GRM3: variants seen among roughly 807,000 people sequenced by gnomAD.
GRM3 encodes glutamate metabotropic receptor 3, also known as metabotropic glutamate receptor 3.
GRM3 carries 26 observed loss-of-function variants against 70.5 expected under a neutral mutation model. The observed-to-expected ratio is 0.37, with a 90% CI of 0.27 to 0.51. The LOEUF (loss-of-function observed/expected upper bound fraction) is 0.51. GRM3 is among the 20% of genes least tolerant of loss of function. The probability of loss-of-function intolerance (pLI) is 0.93; values close to 1 mark genes in which losing one functional copy is unlikely to be tolerated. For missense variants in GRM3, 859 were observed against 1,123.8 expected (o/e 0.76, Z 3.37); for synonymous variants, 443 against 434.9 (o/e 1.02, Z -0.23).
chr7:86,729,390 A>G (rs1795668945), intron 1 of GRM3, among the ~76,000 whole-genome samples: 1 of 152,170 alleles, frequency 6.6e-6, no homozygotes, highest in Non-Finnish European at 1.5e-5. Flanking sequence ...TAAAGAGAGT[A>G]TTATTGTGTT....
Position 86,786,097 on chromosome 7 carries a change from C to G in GRM3, c.469-164C>G. On this transcript the variant is annotated intron_variant, in intron 2 of 5. Transcript: ENST00000361669. This position sits in a 1 kb window ranked among gnomAD's most constrained non-coding sequence, Gnocchi z 6.0. ...TTCCTAGTGTCCAAAATACAGTATC[C>G]AAGGAAGCATCTGGTATTCATCTCA... 1 of 677,718 alleles carries G rather than the reference C, an allele frequency of 1.5e-6. No homozygotes were observed. The highest frequency in any genetic ancestry group is 1.8e-5 in the African/African-American group (1 of 56,000). The allele number at this position is 677,718 out of a possible 1,614,324, so 42.0% of individuals were successfully genotyped here.
intron 1 of GRM3, among the ~76,000 whole-genome samples, chr7:86,675,472 C>G (rs193123332): frequency 1.8e-4 from 28 of 152,124 alleles, no homozygotes; most frequent in African/African-American, 6.3e-4. Context: ...AATCCAAGTA[C>G]AGTGAGAGCC....
intron 3 of GRM3, among the ~76,000 whole-genome samples, chr7:86,787,576 G>T (rs1195248386): frequency 6.6e-6 from 1 of 152,124 alleles, no homozygotes; most frequent in Non-Finnish European, 1.5e-5. Context: ...GAGAGAGAGA[G>T]AAGTCACTGT....
chr7:86,743,786 G>A (rs189298084), intron 1 of GRM3, among the ~76,000 whole-genome samples: 1 of 152,146 alleles, frequency 6.6e-6, no homozygotes, highest in Admixed American at 6.5e-5. Context: ...GGCTAGAAAA[G>A]AGTGTTCAGC....
At position 86,786,079 on chromosome 7, in the gene GRM3, T is replaced by A; in HGVS notation, c.469-182T>A. On this transcript the variant is annotated intron_variant, in intron 2 of 5. Coordinates refer to ENST00000361669, the MANE Select transcript of GRM3 (RefSeq NM_000840.3). The surrounding 1 kb of genome is among the most constrained non-coding windows in gnomAD (Gnocchi z 6.0). Reference sequence around the variant, plus strand: ...TACCTGTGTGAGACCTGCTTCCTAGTGTCCAAAATACAGTATCCAAGGAAG... The same window carrying A: ...TACCTGTGTGAGACCTGCTTCCTAGAGTCCAAAATACAGTATCCAAGGAAG... 1 of 645,366 alleles carries A rather than the reference T, an allele frequency of 1.5e-6. No homozygotes were observed. The highest frequency in any genetic ancestry group is 2.8e-6 in the Non-Finnish European group (1 of 361,074). The allele number at this position is 645,366 out of a possible 1,614,324, so 40.0% of individuals were successfully genotyped here.
chr7:86,794,999 T>C (rs1185873951), intron 3 of GRM3, among the ~76,000 whole-genome samples: 1 of 152,020 alleles, frequency 6.6e-6, no homozygotes, highest in Non-Finnish European at 1.5e-5. Context: ...CTGGACCAAG[T>C]ATGATTAGAT....
intron 3 of GRM3, among the ~76,000 whole-genome samples, chr7:86,830,200 A>G (rs1238680171): frequency 6.6e-6 from 1 of 152,166 alleles, no homozygotes; most frequent in Non-Finnish European, 1.5e-5. Flanking sequence ...TTACCACTCT[A>G]CCATAAACCA....
intron 1 of GRM3, among the ~76,000 whole-genome samples, chr7:86,661,207 A>G (rs1408819854): frequency 1.3e-5 from 2 of 152,022 alleles, no homozygotes; most frequent in African/African-American, 4.8e-5. Context: ...TTCTCTTAGT[A>G]ACTAGATTTG....
intron 1 of GRM3, among the ~76,000 whole-genome samples, chr7:86,733,918 A>T (rs1404700292): frequency 6.6e-6 from 1 of 152,218 alleles, no homozygotes; most frequent in African/African-American, 2.4e-5. Flanking sequence ...AATACTCCTC[A>T]AGTGATGTGG....
chr7:86,771,462 C>G (rs909971146), intron 2 of GRM3, among the ~76,000 whole-genome samples: 1 of 151,920 alleles, frequency 6.6e-6, no homozygotes, highest in Non-Finnish European at 1.5e-5. Flanking sequence ...TCTATTATAA[C>G]TAGGGTTCTC....
chr7:86,807,363 C>A (rs1185516520), intron 3 of GRM3, among the ~76,000 whole-genome samples: 8 of 117,854 alleles, frequency 6.8e-5, no homozygotes, highest in African/African-American at 3.4e-4. Flanking sequence ...GATATTGATT[C>A]TTCCTATCCA....
intron 3 of GRM3, among the ~76,000 whole-genome samples, chr7:86,789,129 G>A (rs957383327): frequency 6.6e-6 from 1 of 152,100 alleles, no homozygotes; most frequent in Non-Finnish European, 1.5e-5. Flanking sequence ...GTGCAAACCT[G>A]ACCACAAAGT....
At chr7:86,760,932 A>G (rs530081378) in intron 1 of GRM3, among the ~76,000 whole-genome samples, 1 of 152,242 alleles carries the variant, frequency 6.6e-6, no homozygotes, top group South Asian at 2.1e-4. Flanking sequence ...TAATTTTTAA[A>G]TTTATATAAC....
chr7:86,645,473 A>T (rs1288899098), intron 1 of GRM3, among the ~76,000 whole-genome samples: 1 of 152,212 alleles, frequency 6.6e-6, no homozygotes, highest in Non-Finnish European at 1.5e-5. Flanking sequence ...GACAGGGAGC[A>T]TATCTTTTCA....
chr7:86,683,567 A>G (rs1362103856), intron 1 of GRM3, among the ~76,000 whole-genome samples: 4 of 152,302 alleles, frequency 2.6e-5, no homozygotes, highest in African/African-American at 9.6e-5. Flanking sequence ...CTTGCCTAAG[A>G]GAGCCTAAAG....
intron 1 of GRM3, among the ~76,000 whole-genome samples, chr7:86,681,302 G>A (rs922415118): frequency 6.6e-6 from 1 of 152,172 alleles, no homozygotes; most frequent in Non-Finnish European, 1.5e-5. Flanking sequence ...CAGTGTCTCA[G>A]AGGGGATCTC....
chr7:86,759,822 G>A (rs1159533106), intron 1 of GRM3, among the ~76,000 whole-genome samples: 1 of 152,058 alleles, frequency 6.6e-6, no homozygotes, highest in Non-Finnish European at 1.5e-5. Context: ...AGCTTCCTAA[G>A]ACTTCTGGGG....
intron 1 of GRM3, among the ~76,000 whole-genome samples, chr7:86,743,021 C>T (rs377756595): frequency 2.0e-5 from 3 of 152,154 alleles, no homozygotes; most frequent in South Asian, 2.1e-4. Context: ...AAATAACTTC[C>T]TCAAAGTCAA....
chr7:86,698,991 G>T (rs1794891323), intron 1 of GRM3, among the ~76,000 whole-genome samples: 1 of 152,040 alleles, frequency 6.6e-6, no homozygotes, highest in South Asian at 2.1e-4. Context: ...ACTCCAGAGA[G>T]GGGTGACTAA....
Sources: allele counts gnomAD v4.1 joint callset (sites outside exome capture counted in the v4.1 genomes callset), GRCh38; gene constraint gnomAD v4.1.1; non-coding constraint Gnocchi (gnomAD v3.1); transcripts MANE v1.5; gene names NCBI Gene and HGNC (gene_info 2026-07-23, HGNC 2026-07-21).